Variants in FAR2 observed in about 807,000 individuals in gnomAD.
The protein encoded by FAR2 is epididymis secretory protein Li 81.
In FAR2, 19 loss-of-function variants were observed where a neutral mutation model predicts 56.0. The ratio of observed to expected loss-of-function variants is 0.34; its 90% CI spans 0.24 to 0.50. FAR2 has a LOEUF of 0.50. FAR2 is among the 20% of genes least tolerant of loss of function. The pLI, the probability that FAR2 is intolerant of heterozygous loss-of-function variation, is 0.98. For missense variants in FAR2, 508 were observed against 642.2 expected (o/e 0.79, Z 2.26); for synonymous variants, 219 against 218.8 (o/e 1.00, Z -0.01).
chr12:29,265,230 G>A (rs1157036854), intron 1 of FAR2, among the ~76,000 whole-genome samples: 1 of 152,052 alleles, frequency 6.6e-6, no homozygotes, highest in Non-Finnish European at 1.5e-5. Flanking sequence ...GCTATCCTGG[G>A]CAAAAAGAAT....
intron 1 of FAR2, among the ~76,000 whole-genome samples, chr12:29,189,165 T>C (rs1316370962): frequency 1.3e-5 from 2 of 152,200 alleles, no homozygotes; most frequent in African/African-American, 4.8e-5. Context: ...ACAGCCACAT[T>C]TATTATTTGA....
chr12:29,216,387 G>C (rs549835322), intron 1 of FAR2, among the ~76,000 whole-genome samples: 20 of 152,154 alleles, frequency 1.3e-4, no homozygotes, highest in Non-Finnish European at 1.9e-4. Flanking sequence ...GTCCTTTAGG[G>C]CTTTGGTCAC....
rs1262431368 is a variant in FAR2 at position 29,335,511 on chromosome 12, G to T, written c.*1717G>T. The T allele has an allele frequency of 6.6e-6, 1 of 152,076 alleles. No homozygotes were observed. Among genetic ancestry groups the T allele is most frequent in the Non-Finnish European group, 1.5e-5 (1 of 68,014 alleles). The allele number at this position is 152,076 out of a possible 1,614,324, so 9.4% of individuals were successfully genotyped here. The stretch of plus-strand genomic sequence containing the variant: ...GGGATTGGATTAAGACATAATAATA[G>T]TTCTAAGAATTCACTTTTGATTGTA... On this transcript the variant is annotated 3_prime_UTR_variant, in exon 12 of 12. Transcript: ENST00000536681.
chr12:29,332,554 T>A, intron 10 of FAR2, 46 bp from the exon 11 acceptor site: 1 of 1,611,382 alleles, frequency 6.2e-7, no homozygotes, highest in Non-Finnish European at 8.5e-7. Context: ...AAAGTGACTG[T>A]CCAGCACTGC....
intron 2 of FAR2, chr12:29,292,255 G>A (rs1380849391): frequency 2.0e-5 from 3 of 152,176 alleles, no homozygotes; most frequent in Non-Finnish European, 2.9e-5. Flanking sequence ...GGTGGATGCT[G>A]AAACCATCTC....
intron 1 of FAR2, among the ~76,000 whole-genome samples, chr12:29,210,260 GA>G (rs1245646248): frequency 2.6e-5 from 4 of 151,968 alleles, no homozygotes; most frequent in African/African-American, 4.8e-5. Flanking sequence ...TTCTGTTTTA[GA>G]AAAAAAGCAA....
chr12:29,307,508 G>C lies in FAR2; in HGVS notation c.546-150G>C, dbSNP rs1464990054. Reference sequence around the variant, plus strand: ...AAAAAGCTCATGCATGCTTTGAGCAGGTACACACTCAAACTTGGTATCATG... The same window carrying C: ...AAAAAGCTCATGCATGCTTTGAGCACGTACACACTCAAACTTGGTATCATG... On this transcript the variant is annotated intron_variant, in intron 4 of 11. Coordinates refer to ENST00000536681, the MANE Select transcript of FAR2 (RefSeq NM_001271783.2). The C allele has an allele frequency of 8.3e-6, 6 of 724,612 alleles. No individual in the cohort carries two copies. In the Admixed American group the frequency reaches 1.8e-4, roughly 22 times the overall value. 44.9% of individuals were successfully genotyped at this position (724,612 alleles called of 1,614,324 possible). A position where few individuals can be genotyped will look rare whatever the true frequency, so the allele number is the denominator to read the frequency against.
At position 29,273,422 on chromosome 12, in the gene FAR2, C is replaced by A. The variant is rs377222895; in HGVS notation, c.189+2784C>A. Among the ~76,000 whole-genome samples the A allele has an allele frequency of 7.9e-5, 12 of 152,304 alleles. No homozygotes were observed. In the East Asian group the frequency reaches 1.9e-3, roughly 25 times the overall value. On this transcript the variant is annotated intron_variant, in intron 2 of 11. Transcript: ENST00000536681. ...GTTAGGCCTGAAGAGGCACTCTGGC[C>A]GCAGACTGCCACAGTGTGTGTGTGG...
chr12:29,218,624 G>A (rs1325634277), intron 1 of FAR2, among the ~76,000 whole-genome samples: 3 of 152,084 alleles, frequency 2.0e-5, no homozygotes, highest in Non-Finnish European at 4.4e-5. Flanking sequence ...TACAAAATTG[G>A]TTTTTAAAAT....
chr12:29,273,648 A>G (rs1337771928), intron 2 of FAR2, among the ~76,000 whole-genome samples: 3 of 152,234 alleles, frequency 2.0e-5, no homozygotes, highest in Non-Finnish European at 4.4e-5. Flanking sequence ...AATGGCTTAG[A>G]CAGCAGGTGA....
chr12:29,312,808 C>T (rs954577107), intron 8 of FAR2, among the ~76,000 whole-genome samples: 5 of 152,098 alleles, frequency 3.3e-5, no homozygotes, highest in Non-Finnish European at 7.4e-5. Flanking sequence ...GGTAACACTA[C>T]CTCTACACAT....
chr12:29,262,572 G>A, intron 1 of FAR2, among the ~76,000 whole-genome samples: 1 of 152,180 alleles, frequency 6.6e-6, no homozygotes, highest in African/African-American at 2.4e-5. Context: ...AGAGGTTGTG[G>A]TGAGCCAAGA....
At chr12:29,247,003 A>G (rs1221729833) in intron 1 of FAR2, among the ~76,000 whole-genome samples, 1 of 152,132 alleles carries the variant, frequency 6.6e-6, no homozygotes, top group East Asian at 1.9e-4. Context: ...ATAATATTTC[A>G]TAATAACTAA....
At chr12:29,282,206 G>T (rs750681489) in intron 2 of FAR2, 1 of 152,106 alleles carries the variant, frequency 6.6e-6, no homozygotes, top group Non-Finnish European at 1.5e-5. Context: ...ATGCTGATTG[G>T]AAAAGTGTCA....
chr12:29,220,782 G>A (rs1343993513), intron 1 of FAR2, among the ~76,000 whole-genome samples: 1 of 152,058 alleles, frequency 6.6e-6, no homozygotes, highest in Non-Finnish European at 1.5e-5. Context: ...GAGAGTCCGA[G>A]GCAAGAGTGA....
chr12:29,233,887 A>G (rs1947896484), intron 1 of FAR2, among the ~76,000 whole-genome samples: 1 of 152,118 alleles, frequency 6.6e-6, no homozygotes, highest in Non-Finnish European at 1.5e-5. Context: ...ACTGCAGTCT[A>G]ATTTCTGCCC....
intron 1 of FAR2, among the ~76,000 whole-genome samples, chr12:29,260,971 A>ACCTT (rs1207112526): frequency 1.3e-5 from 2 of 152,192 alleles, no homozygotes; most frequent in Non-Finnish European, 2.9e-5. Flanking sequence ...GCAGTGACAA[A>ACCTT]AGACATAGAT....
At chr12:29,181,942 CAGAT>C (rs543373106) in intron 1 of FAR2, among the ~76,000 whole-genome samples, 4 of 152,050 alleles carry the variant, frequency 2.6e-5, no homozygotes, top group East Asian at 1.9e-4. Context: ...AGAGGATAGA[CAGAT>C]AGATAGATAG....
intron 1 of FAR2, among the ~76,000 whole-genome samples, chr12:29,158,913 A>C (rs1047537381): frequency 6.6e-6 from 1 of 152,224 alleles, no homozygotes; most frequent in Admixed American, 6.5e-5. Flanking sequence ...TCCACATCTT[A>C]TGACTGCAAA....
Sources: allele counts gnomAD v4.1 joint callset (sites outside exome capture counted in the v4.1 genomes callset), GRCh38; gene constraint gnomAD v4.1.1; transcripts MANE v1.5; gene names NCBI Gene and HGNC (gene_info 2026-07-23, HGNC 2026-07-21).